ZNF92: variants seen among roughly 807,000 people sequenced by gnomAD.
ZNF92 encodes the protein zinc finger protein 92, also known as epididymis luminal protein 203.
Under a neutral mutation model 12.4 loss-of-function variants are expected in ZNF92, and 11 were observed. The ratio of observed to expected loss-of-function variants is 0.89; its 90% confidence interval spans 0.56 to 1.47. The LOEUF is 1.47. ZNF92 is among the 40% of genes most tolerant of loss of function. ZNF92 has a pLI of 0.00. For synonymous variants in ZNF92, 206 were observed against 228.6 expected (o/e 0.90, Z 0.89); for missense variants, 622 against 681.0 (o/e 0.91, Z 0.96).
chr7:65,373,887 T>C lies in ZNF92; in HGVS notation c.-111T>C. 6.8e-6 allele frequency: 10 copies of C among 1,480,830 alleles called. No homozygotes were observed. The South Asian group carries it at 1.0e-4, about 15-fold the overall frequency. The allele number at this position is 1,480,830 out of a possible 1,614,324, so 91.7% of individuals were successfully genotyped here. A position where few individuals can be genotyped will look rare whatever the true frequency, so the allele number is the denominator to read the frequency against. On this transcript the variant is annotated 5_prime_UTR_variant, in exon 1 of 4. Transcript: ENST00000328747. ...GCTGCAGCCGGCGCTCCACGTCTAG[T>C]CTTCACTGCTCTGCGTCCTGTGCTG...
chr7:65,377,995 GCTTT>G (rs1793294200), intron 1 of ZNF92, among the ~76,000 whole-genome samples: 1 of 152,140 alleles, frequency 6.6e-6, no homozygotes, highest in South Asian at 2.1e-4. Flanking sequence ...GCAGACAAGG[GCTTT>G]CTTTCATAGG....
rs773543233 is a variant in ZNF92 at position 65,398,361 on chromosome 7, C to G, written c.247C>G (p.Gln83Glu). The G allele has an allele frequency of 6.4e-7, 1 of 1,551,288 alleles. No homozygotes were observed. Among genetic ancestry groups the G allele is most frequent in the Admixed American group, 2.1e-5 (1 of 48,104 alleles). ...TTCAGTTATGTGTTCTCATTTTGCC[C>G]AAGATGTTTGGCCAGAGCACAGCAT... The part of the protein sequence containing the change: ...KTPVMCSHFA[Q>E]DVWPEHSIKD... The change falls in exon 4 of 4, where the codon CAA (glutamine) becomes GAA (glutamate). Residue 83 changes from glutamine to glutamate, a missense_variant. Coordinates refer to ENST00000328747, the MANE Select transcript of ZNF92 (RefSeq NM_152626.4).
chr7:65,395,901 A>G (rs184913931), intron 3 of ZNF92, among the ~76,000 whole-genome samples: 1 of 151,430 alleles, frequency 6.6e-6, no homozygotes, highest in East Asian at 1.9e-4. Flanking sequence ...TAGGCAGTAT[A>G]TTGTATGCTT....
chr7:65,374,646 T>C (rs1793189452), intron 1 of ZNF92, among the ~76,000 whole-genome samples: 1 of 152,088 alleles, frequency 6.6e-6, no homozygotes, highest in Non-Finnish European at 1.5e-5. Context: ...TGTCAGTTTA[T>C]AGTTGGTTAA....
At chr7:65,391,261 C>G (rs1250987254) in intron 3 of ZNF92, among the ~76,000 whole-genome samples, 1 of 151,622 alleles carries the variant, frequency 6.6e-6, no homozygotes, top group Non-Finnish European at 1.5e-5. Flanking sequence ...CTCAAAAGGC[C>G]TTTTTATGAG....
At chr7:65,383,822 T>C (rs1793490286) in intron 1 of ZNF92, among the ~76,000 whole-genome samples, 1 of 152,152 alleles carries the variant, frequency 6.6e-6, no homozygotes, top group Admixed American at 6.6e-5. Context: ...AAGTCTCTAC[T>C]GCCTGGCTTA....
intron 1 of ZNF92, among the ~76,000 whole-genome samples, chr7:65,384,167 A>G (rs1432912252): frequency 6.6e-6 from 1 of 152,146 alleles, no homozygotes; most frequent in Non-Finnish European, 1.5e-5. Flanking sequence ...GATTTGTTTA[A>G]ATTGCTTATT....
intron 3 of ZNF92, among the ~76,000 whole-genome samples, chr7:65,390,729 C>G (rs1461974147): frequency 6.6e-6 from 1 of 152,034 alleles, no homozygotes; most frequent in Non-Finnish European, 1.5e-5. Flanking sequence ...TTTCCCCAGG[C>G]CACTGTGTAG....
At chr7:65,381,990 A>G (rs1793432262) in intron 1 of ZNF92, among the ~76,000 whole-genome samples, 1 of 152,024 alleles carries the variant, frequency 6.6e-6, no homozygotes, top group African/African-American at 2.4e-5. Context: ...ACTATATTCA[A>G]CCATTTCTAT....
intron 1 of ZNF92, 147 bp downstream of exon 1, chr7:65,374,147 C>A: frequency 3.5e-6 from 4 of 1,133,424 alleles, no homozygotes; most frequent in South Asian, 1.4e-5. Context: ...GGCCCTCAGT[C>A]TCCTTCAGCC....
At chr7:65,388,524 A>G (rs1224559366) in intron 2 of ZNF92, among the ~76,000 whole-genome samples, 2 of 151,986 alleles carry the variant, frequency 1.3e-5, no homozygotes, top group South Asian at 2.1e-4. Context: ...CTGTAATCCA[A>G]CTACTCAGGA....
At chr7:65,375,367 G>A (rs570338555) in intron 1 of ZNF92, among the ~76,000 whole-genome samples, 1 of 152,196 alleles carries the variant, frequency 6.6e-6, no homozygotes, top group East Asian at 1.9e-4. Context: ...AGAATAACCT[G>A]AAGTATGGAA....
intron 3 of ZNF92, among the ~76,000 whole-genome samples, chr7:65,390,748 G>A (rs1006616957): frequency 2.0e-5 from 3 of 152,116 alleles, no homozygotes; most frequent in Non-Finnish European, 4.4e-5. Context: ...AGGTTTCTGT[G>A]TAGATATAAC....
At chr7:65,383,865 C>A (rs954718607) in intron 1 of ZNF92, among the ~76,000 whole-genome samples, 1 of 152,100 alleles carries the variant, frequency 6.6e-6, no homozygotes, top group Non-Finnish European at 1.5e-5. Flanking sequence ...TCACTGAGAA[C>A]CCTCTCACAA....
Position 65,398,729 on chromosome 7 carries a change from A to T in ZNF92, c.615A>T (p.Glu205Asp), listed in dbSNP as rs767001016. ...GAGAGTATTCTTACAAATGTGAAGAATGTGGTAAAGCCTTTAACTGGTCCT... is the reference window on the plus strand; with the variant it reads ...GAGAGTATTCTTACAAATGTGAAGATTGTGGTAAAGCCTTTAACTGGTCCT... ...HTREYSYKCE[E>D]CGKAFNWSST... Residue 205 changes from glutamate (E) to aspartate (D), a missense_variant, in exon 4 of 4, where the codon GAA becomes GAT. Transcript: ENST00000328747. The T allele has an allele frequency of 2.5e-6, 4 of 1,612,568 alleles. No individual in the cohort carries two copies. The Admixed American group carries it at 6.7e-5, about 27-fold the overall frequency.
chr7:65,388,203 C>A, intron 2 of ZNF92, 175 bp downstream of exon 2: 1 of 546,628 alleles, frequency 1.8e-6, no homozygotes, highest in South Asian at 2.2e-5. Flanking sequence ...TCATTTTGAC[C>A]TGAACTCTCC....
rs538249157 is a variant in ZNF92, at chr7:65,386,768, G to C, written c.4-1134G>C. ...AGGCTATAATTTACTTTTTGGGGAAGTAATATCCCAGCAGTGATGCTGTGT... is the reference window on the plus strand; with the variant it reads ...AGGCTATAATTTACTTTTTGGGGAACTAATATCCCAGCAGTGATGCTGTGT... On this transcript the variant is annotated intron_variant, in intron 1 of 3. Transcript: ENST00000328747. Among the ~76,000 whole-genome samples, 12 of 152,202 alleles carry C rather than the reference G, an allele frequency of 7.9e-5. No homozygotes were observed. In the South Asian group the frequency reaches 2.5e-3, roughly 32 times the overall value.
intron 3 of ZNF92, among the ~76,000 whole-genome samples, chr7:65,392,098 C>T (rs1227900330): frequency 6.6e-6 from 1 of 152,040 alleles, no homozygotes; most frequent in Non-Finnish European, 1.5e-5. Flanking sequence ...TTGGGTTTAA[C>T]TGGGAAATAA....
At chr7:65,381,646 C>T (rs1287706185) in intron 1 of ZNF92, among the ~76,000 whole-genome samples, 1 of 152,012 alleles carries the variant, frequency 6.6e-6, no homozygotes, top group African/African-American at 2.4e-5. Flanking sequence ...AGGTTATCTT[C>T]CAGGGCATTT....
Sources: allele counts gnomAD v4.1 joint callset (sites outside exome capture counted in the v4.1 genomes callset), GRCh38; gene constraint gnomAD v4.1.1; transcripts MANE v1.5; gene names NCBI Gene and HGNC (gene_info 2026-07-23, HGNC 2026-07-21).